MYT1: variants seen among roughly 807,000 people sequenced by gnomAD.
MYT1 encodes myelin transcription factor I.
In MYT1, 23 loss-of-function variants were observed where a neutral mutation model predicts 123.0. The ratio of observed to expected loss-of-function variants is 0.19; its 90% CI spans 0.13 to 0.26. The LOEUF (loss-of-function observed/expected upper bound fraction) is 0.26. Ranked by LOEUF, MYT1 falls within the 10% of genes least tolerant of loss-of-function variation. The pLI, the probability that MYT1 is intolerant of heterozygous loss-of-function variation, is 1.00. For missense variants in MYT1, 1,125 were observed against 1,472.5 expected, an observed-to-expected ratio of 0.76 and a Z score of 3.86; for synonymous variants, 518 against 575.3, an observed-to-expected ratio of 0.90 and a Z score of 1.43.
Position 64,213,447 on chromosome 20 carries a change from G to A in MYT1, c.1518-87G>A, listed in dbSNP as rs1983741598. 1.0e-6 allele frequency: 1 copy of A among 979,292 alleles called. No individual in the cohort carries two copies. The highest frequency in any genetic ancestry group is 1.4e-5 in the South Asian group (1 of 71,582). The allele number at this position is 979,292 out of a possible 1,614,324, so 60.7% of individuals were successfully genotyped here. On this transcript the variant is annotated intron_variant, in intron 9 of 22. Transcript: ENST00000328439. The surrounding 1 kb of genome is among the most constrained non-coding windows in gnomAD (Gnocchi z 5.6). ...GGAGTTCTCACATCTGAATGACCTT[G>A]CCGTGAGACACCCACACACACAGAC...
chr20:64,205,889 G>A lies in MYT1; in HGVS notation c.397+89G>A, dbSNP rs556365427. 4,674 of 1,541,400 alleles carry A rather than the reference G, an allele frequency of 3.0e-3. 13 individuals are homozygous for A. Among genetic ancestry groups the A allele is most frequent in the Non-Finnish European group, 3.8e-3 (4,399 of 1,144,894 alleles). On this transcript the variant is annotated intron_variant, in intron 6 of 22. Transcript: ENST00000328439. ...CTGTGAGCGGGGAGGGGCTCACTCCGGGCAAGAGAAAGCCCTTCCTGAGAA... is the reference window on the plus strand; with the variant it reads ...CTGTGAGCGGGGAGGGGCTCACTCCAGGCAAGAGAAAGCCCTTCCTGAGAA...
intron 2 of MYT1, among the ~76,000 whole-genome samples, chr20:64,194,155 C>G (rs968515079): frequency 6.6e-6 from 1 of 152,224 alleles, no homozygotes; most frequent in African/African-American, 2.4e-5. Flanking sequence ...GGAGGAGAGA[C>G]AATGACCTTA....
At chr20:64,170,876 TATATATATAGAGAGAGAGAG>T (rs1183589999) in intron 1 of MYT1, among the ~76,000 whole-genome samples, 32 of 60,580 alleles carry the variant, frequency 5.3e-4, no homozygotes, top group African/African-American at 1.9e-3. Flanking sequence ...TATATATATA[TATATATATAGAGAGAGAGAG>T]AGAGAGAGAG....
At position 64,227,466 on chromosome 20, in the gene MYT1, T is replaced by G. The variant is rs1745043660; in HGVS notation, c.2580T>G (p.Ala860=). The change falls in exon 17 of 23, where the codon GCT becomes GCG. Residue 860 remains alanine (A), a synonymous_variant. Coordinates refer to ENST00000328439, the MANE Select transcript of MYT1 (RefSeq NM_004535.3). ...DGSGHITGNY[A]SHRSLSGCPR... ...CTGGCCACATCACAGGGAACTACGCTTCACACCGGAGGTGAGCCTGCCACA... is the reference window on the plus strand; with the variant it reads ...CTGGCCACATCACAGGGAACTACGCGTCACACCGGAGGTGAGCCTGCCACA... 6.2e-7 allele frequency: 1 copy of G among 1,612,288 alleles called. No individual in the cohort carries two copies.
chr20:64,227,407 C>T lies in MYT1; in HGVS notation c.2529-8C>T. 1 of 1,612,530 alleles carries T rather than the reference C, an allele frequency of 6.2e-7. No individual in the cohort carries two copies. Among genetic ancestry groups the T allele is most frequent in the Non-Finnish European group, 8.5e-7 (1 of 1,179,680 alleles). On this transcript the variant is annotated splice_polypyrimidine_tract_variant and splice_region_variant and intron_variant, in intron 16 of 22. Transcript: ENST00000328439. ...GGGCTCCCGTTCCAGTTCTGCTTCC[C>T]TCTGCAGGTGCCCCACGCCCGGCTG...
intron 1 of MYT1, among the ~76,000 whole-genome samples, chr20:64,177,300 C>T (rs1187854366): frequency 6.6e-6 from 1 of 152,050 alleles, no homozygotes; most frequent in Non-Finnish European, 1.5e-5. Flanking sequence ...CTCTCATTTT[C>T]ACCTAAACTC....
At position 64,198,908 on chromosome 20, in the gene MYT1, C is replaced by T; in HGVS notation, c.47C>T (p.Ala16Val). Residue 16 changes from alanine (A) to valine (V), a missense_variant, in exon 3 of 23, where the codon GCC becomes GTC. Coordinates refer to ENST00000328439, the MANE Select transcript of MYT1 (RefSeq NM_004535.3). The part of the protein sequence containing the change: ...EDKRARTRSK[A>V]LRGPPETTAA... ...AAGCGAGCTCGCACCCGATCCAAGG[C>T]CCTGCGAGGTGAGTGCCGCCCTCCC... is the stretch of plus-strand genomic sequence containing the variant. 16 of 1,614,066 alleles carry T rather than the reference C, an allele frequency of 9.9e-6. No homozygotes were observed. Among genetic ancestry groups the T allele is most frequent in the Non-Finnish European group, 1.4e-5 (16 of 1,179,944 alleles).
chr20:64,199,039 G>C, intron 3 of MYT1, 123 bp downstream of exon 3: 5 of 989,432 alleles, frequency 5.1e-6, no homozygotes, highest in Non-Finnish European at 7.5e-6. Context: ...GGCCTCTTCA[G>C]CCTCATTCAT....
In MYT1 at chr20:64,231,261, G is replaced by A. The variant is rs7265816; in HGVS notation, c.2676-903G>A. ...TTGCAGATTGAAGATCTTGTCCTGGGTTTGGCGTGGGTTCCTGGATGACGT... is the reference window on the plus strand; with the variant it reads ...TTGCAGATTGAAGATCTTGTCCTGGATTTGGCGTGGGTTCCTGGATGACGT... On this transcript the variant is annotated intron_variant, in intron 18 of 22. Transcript: ENST00000328439. This position sits in a 1 kb window ranked among gnomAD's most constrained non-coding sequence, Gnocchi z 6.4. Among the ~76,000 whole-genome samples, 955 of 152,264 alleles carry A rather than the reference G, an allele frequency of 6.3e-3. 13 individuals carry two copies. The highest frequency in any genetic ancestry group is 0.022 in the African/African-American group (912 of 41,544).
chr20:64,168,562 C>T lies in MYT1; in HGVS notation c.-99+3823C>T, dbSNP rs1982151513. Among the ~76,000 whole-genome samples, 1 of 152,222 alleles carries T rather than the reference C, an allele frequency of 6.6e-6. No individual in the cohort carries two copies. Among genetic ancestry groups the T allele is most frequent in the Admixed American group, 6.5e-5 (1 of 15,288 alleles). On this transcript the variant is annotated intron_variant, in intron 1 of 22. Coordinates refer to ENST00000328439, the MANE Select transcript of MYT1 (RefSeq NM_004535.3). The surrounding 1 kb of genome is among the most constrained non-coding windows in gnomAD (Gnocchi z 6.1). ...CAGAGGAGAGAGGATGTCGACACAG[C>T]TGTGGGTGTCTGTGGTCCTCCTGCC...
intron 4 of MYT1, among the ~76,000 whole-genome samples, chr20:64,200,279 A>G (rs1983258294): frequency 6.6e-6 from 1 of 152,168 alleles, no homozygotes; most frequent in Non-Finnish European, 1.5e-5. Context: ...AGATGGTTGG[A>G]GGCCCAGTTC....
chr20:64,205,171 G>T, intron 5 of MYT1, 74 bp downstream of exon 5: 6 of 1,527,084 alleles, frequency 3.9e-6, no homozygotes, highest in Non-Finnish European at 5.4e-6. Flanking sequence ...TGCAGATGGA[G>T]AACTTTCCAT....
rs1984557096 is a variant in MYT1 at position 64,236,588 on chromosome 20, A to G, written c.2931A>G (p.Gly977=). The part of the protein sequence containing the change: ...LSGCPRATFA[G]KKGKLSGDEV... Reference sequence around the variant, plus strand: ...GCTGTCCCAGAGCAACCTTTGCTGGAAAGAAGGGAAAACTGTCAGGGGATG... The same window carrying G: ...GCTGTCCCAGAGCAACCTTTGCTGGGAAGAAGGGAAAACTGTCAGGGGATG... Residue 977 remains glycine, a synonymous_variant, in exon 20 of 23, where the codon GGA becomes GGG. Transcript: ENST00000328439. 1 of 1,613,686 alleles carries G rather than the reference A, an allele frequency of 6.2e-7. No homozygotes were observed. Among genetic ancestry groups the G allele is most frequent in the African/African-American group, 1.3e-5 (1 of 74,980 alleles).
Position 64,208,551 on chromosome 20 carries a change from A to T in MYT1, c.1291+64A>T. 1 of 1,513,906 alleles carries T rather than the reference A, an allele frequency of 6.6e-7. No individual in the cohort carries two copies. The highest frequency in any genetic ancestry group is 1.3e-5 in the South Asian group (1 of 74,638). 93.8% of individuals were successfully genotyped at this position (1,513,906 alleles called of 1,614,324 possible). A position where few individuals can be genotyped will look rare whatever the true frequency, so the allele number is the denominator to read the frequency against. ...TTTCACCCCTGCCCCAGGTGTGCAGATGCAGGCTGAGAGCCCTTCTAGGAC... is the reference window on the plus strand; with the variant it reads ...TTTCACCCCTGCCCCAGGTGTGCAGTTGCAGGCTGAGAGCCCTTCTAGGAC... On this transcript the variant is annotated intron_variant, in intron 7 of 22. Transcript: ENST00000328439. This position sits in a 1 kb window ranked among gnomAD's most constrained non-coding sequence, Gnocchi z 5.4.
chr20:64,178,776 G>A (rs60044838), intron 1 of MYT1, among the ~76,000 whole-genome samples: 1 of 129,646 alleles, frequency 7.7e-6, no homozygotes, highest in Non-Finnish European at 1.6e-5. Context: ...TTATTCGGTG[G>A]GATGCCCTTC....
intron 8 of MYT1, 132 bp downstream of exon 8, chr20:64,211,472 A>C: frequency 1.1e-6 from 1 of 918,800 alleles, no homozygotes; most frequent in Non-Finnish European, 1.6e-6. Flanking sequence ...CCAGATGCTC[A>C]TCCTTACATC....
intron 17 of MYT1, 103 bp from the exon 18 acceptor site, chr20:64,227,785 C>G: frequency 1.0e-6 from 1 of 989,502 alleles, no homozygotes; most frequent in Non-Finnish European, 1.5e-6. Context: ...CCCTCCCACC[C>G]CACCCTGGGG....
rs1417349137 is a variant in MYT1 at position 64,186,891 on chromosome 20, C to T, written c.-98-3172C>T. Among the ~76,000 whole-genome samples the T allele has an allele frequency of 1.4e-5, 2 of 147,686 alleles. No individual in the cohort carries two copies. Among genetic ancestry groups the T allele is most frequent in the Non-Finnish European group, 3.0e-5 (2 of 67,496 alleles). ...CATCCACGTTTCCGTGGAGACTTTT[C>T]CTGTAGCCCGTGGCCCCGGCATCCA... On this transcript the variant is annotated intron_variant, in intron 1 of 22. Coordinates refer to ENST00000328439, the MANE Select transcript of MYT1 (RefSeq NM_004535.3). This position sits in a 1 kb window ranked among gnomAD's most constrained non-coding sequence, Gnocchi z 4.3.
chr20:64,213,745 G>A lies in MYT1; in HGVS notation c.1631+98G>A. On this transcript the variant is annotated intron_variant, in intron 10 of 22. Transcript: ENST00000328439. The surrounding 1 kb of genome is among the most constrained non-coding windows in gnomAD (Gnocchi z 5.6). ...AGGCTGTATGTGCATGTGTGTGAGT[G>A]CATGTGTGTGAGTGTACGTGCATGT... 1 of 973,146 alleles carries A rather than the reference G, an allele frequency of 1.0e-6. No individual in the cohort carries two copies. The highest frequency in any genetic ancestry group is 1.6e-6 in the Non-Finnish European group (1 of 625,692). 60.3% of individuals were successfully genotyped at this position (973,146 alleles called of 1,614,324 possible).
Sources: gnomAD v4.1 joint callset for allele counts (sites outside exome capture counted in the v4.1 genomes callset) on GRCh38, gnomAD v4.1.1 for gene constraint, Gnocchi (gnomAD v3.1) non-coding constraint, MANE v1.5 for transcripts, NCBI Gene and HGNC (gene_info 2026-07-23, HGNC 2026-07-21) for gene names.